The following ZBTB46 variants were observed in gnomAD, a reference collection of about 807,000 sequenced individuals.
ZBTB46 encodes the protein zinc finger and BTB domain-containing protein 46.
In ZBTB46, 8 loss-of-function variants were observed where a neutral mutation model predicts 44.1. That is an observed-to-expected ratio of 0.18 (90% CI 0.11 to 0.33). ZBTB46 has a LOEUF of 0.33. ZBTB46 is among the 10% of genes least tolerant of loss of function. The pLI is 1.00. For missense variants in ZBTB46, 651 were observed against 847.7 expected, an observed-to-expected ratio of 0.77 and a Z score of 2.88; for synonymous variants, 409 against 382.3, an observed-to-expected ratio of 1.07 and a Z score of -0.81.
chr20:63,831,786 C>T (rs1490426018), upstream of ZBTB46, among the ~76,000 whole-genome samples: 2 of 151,388 alleles, frequency 1.3e-5, no homozygotes, highest in East Asian at 2.0e-4. Context: ...CGGCCGTCCC[C>T]GCGCCTGACG....
chr20:63,765,209 G>T (rs1485754205), intron 3 of ZBTB46, among the ~76,000 whole-genome samples: 1 of 151,908 alleles, frequency 6.6e-6, no homozygotes, highest in Non-Finnish European at 1.5e-5. Flanking sequence ...TTGCTTCTTG[G>T]GATTTTGCCC....
chr20:63,769,908 C>T (rs1029957339), intron 3 of ZBTB46, among the ~76,000 whole-genome samples: 4 of 152,232 alleles, frequency 2.6e-5, no homozygotes, highest in African/African-American at 7.2e-5. Context: ...TCCTGACGCC[C>T]GGGCCCAGCC....
In ZBTB46 at chr20:63,752,256, T is replaced by C. The variant is rs1371781738; in HGVS notation, c.1398+430A>G. ...CAAGCAAATCCATCCACTCCACACC[T>C]GCTACCTGACAACGACCTGCCAGTG... On this transcript the variant is annotated intron_variant, in intron 4 of 4. Coordinates refer to ENST00000245663, the MANE Select transcript of ZBTB46 (RefSeq NM_001369741.1). The surrounding 1 kb of genome is among the most constrained non-coding windows in gnomAD (Gnocchi z 5.6). 6.6e-6 allele frequency among the ~76,000 whole-genome samples: 1 copy of C among 151,268 alleles called. No homozygotes were observed. The highest frequency in any genetic ancestry group is 2.4e-5 in the African/African-American group (1 of 41,342).
chr20:63,766,100 G>A (rs1345140386), intron 3 of ZBTB46, among the ~76,000 whole-genome samples: 2 of 151,828 alleles, frequency 1.3e-5, no homozygotes, highest in Admixed American at 6.6e-5. Flanking sequence ...GCCCATGAAC[G>A]CAGAGCCCAG....
chr20:63,808,976 C>CACAA (rs2092700637), intron 1 of ZBTB46, among the ~76,000 whole-genome samples: 1 of 75,232 alleles, frequency 1.3e-5, no homozygotes, highest in African/African-American at 4.5e-5. Context: ...GACTCCGCTT[C>CACAA]AAAAAAAAAA....
At chr20:63,789,508 G>A (rs957290035) in intron 2 of ZBTB46, among the ~76,000 whole-genome samples, 1 of 152,186 alleles carries the variant, frequency 6.6e-6, no homozygotes. Context: ...CCCTCCCGGT[G>A]TCACCCACCC....
chr20:63,797,790 A>G (rs550839145), intron 1 of ZBTB46, among the ~76,000 whole-genome samples: 1 of 152,338 alleles, frequency 6.6e-6, no homozygotes, highest in East Asian at 1.9e-4. Flanking sequence ...TGTTGGCTGC[A>G]TAAATGTCTT....
chr20:63,805,985 G>A (rs1348476895), intron 1 of ZBTB46, among the ~76,000 whole-genome samples: 3 of 151,590 alleles, frequency 2.0e-5, no homozygotes, highest in Non-Finnish European at 4.4e-5. Flanking sequence ...ATGTTGGCCA[G>A]GTTGGTCTCG....
chr20:63,824,595 G>A (rs915428941), intron 1 of ZBTB46, among the ~76,000 whole-genome samples: 3 of 152,000 alleles, frequency 2.0e-5, no homozygotes, highest in South Asian at 2.1e-4. Flanking sequence ...AAAATTTCAC[G>A]TGGCCAAGGA....
At chr20:63,818,842 A>C (rs1379000386) in intron 1 of ZBTB46, among the ~76,000 whole-genome samples, 1 of 144,306 alleles carries the variant, frequency 6.9e-6, no homozygotes, top group Non-Finnish European at 1.5e-5. Flanking sequence ...ACTGCACTCC[A>C]GCCTGGGTGA....
At chr20:63,800,439 C>T (rs1043665425) in intron 1 of ZBTB46, among the ~76,000 whole-genome samples, 2 of 152,236 alleles carry the variant, frequency 1.3e-5, no homozygotes, top group African/African-American at 4.8e-5. Flanking sequence ...GGCGCCTCCT[C>T]GACCTCAGCG....
chr20:63,817,921 G>A (rs1372908951), intron 1 of ZBTB46, among the ~76,000 whole-genome samples: 5 of 152,116 alleles, frequency 3.3e-5, no homozygotes, highest in African/African-American at 7.2e-5. Flanking sequence ...CGTCCACCCC[G>A]ATGCTGGGTG....
rs562032550 is a variant in ZBTB46, at chr20:63,830,580, A to G, written c.-34+517T>C. On this transcript the variant is annotated intron_variant, in intron 1 of 4. Coordinates refer to ENST00000245663, the MANE Select transcript of ZBTB46 (RefSeq NM_001369741.1). ...ACCTCCCGCAGTTCCGACTCTTGGC[A>G]AACTCGGCGCGGGCGGCTCCGGGTG... Among the ~76,000 whole-genome samples the G allele has an allele frequency of 3.6e-3, 536 of 150,200 alleles. 5 individuals are homozygous for G. The highest frequency in any genetic ancestry group is 0.012 in the African/African-American group (506 of 41,288).
intron 1 of ZBTB46, among the ~76,000 whole-genome samples, chr20:63,826,368 T>C (rs925876672): frequency 6.6e-6 from 1 of 152,138 alleles, no homozygotes; most frequent in African/African-American, 2.4e-5. Context: ...TCAGAGATGC[T>C]CAAAGAGAAA....
chr20:63,789,458 C>A (rs1411410433), intron 2 of ZBTB46, among the ~76,000 whole-genome samples: 2 of 152,224 alleles, frequency 1.3e-5, no homozygotes, highest in Non-Finnish European at 2.9e-5. Flanking sequence ...CCAGGGGAAG[C>A]CGACCCTGCA....
At chr20:63,749,319 C>T (rs1287522044) in intron 4 of ZBTB46, among the ~76,000 whole-genome samples, 1 of 145,034 alleles carries the variant, frequency 6.9e-6, no homozygotes, top group Non-Finnish European at 1.5e-5. Context: ...CTCCTTTGGG[C>T]TTTTGTTTTG....
chr20:63,752,668 G>A lies in ZBTB46; in HGVS notation c.1398+18C>T, dbSNP rs778723723. 54 of 1,527,722 alleles carry A rather than the reference G, an allele frequency of 3.5e-5. 1 individual carries two copies. The South Asian group carries it at 6.1e-4, about 17-fold the overall frequency. The allele number at this position is 1,527,722 out of a possible 1,614,324, so 94.6% of individuals were successfully genotyped here. On this transcript the variant is annotated intron_variant, in intron 4 of 4. Coordinates refer to ENST00000245663, the MANE Select transcript of ZBTB46 (RefSeq NM_001369741.1). This position sits in a 1 kb window ranked among gnomAD's most constrained non-coding sequence, Gnocchi z 5.6. ...GGCCACGCGCAGCGCGCGGCACGCG[G>A]ACCCTCCCCGCACTCACCAGCGTGT...
intron 1 of ZBTB46, among the ~76,000 whole-genome samples, chr20:63,796,994 A>C (rs1442505208): frequency 6.6e-6 from 1 of 151,838 alleles, no homozygotes; most frequent in Admixed American, 6.6e-5. Flanking sequence ...AAATGGTGAA[A>C]CCCGGTTTTT....
Position 63,743,990 on chromosome 20 carries a change from T to C in ZBTB46, c.*2940A>G, listed in dbSNP as rs1196830925. On this transcript the variant is annotated 3_prime_UTR_variant, in exon 5 of 5. Transcript: ENST00000245663. ...CTTCAAACACTGCCCTTTTTTTGTG[T>C]GTTTTGTTTTTGTTGACAGGTTGAA... 2 of 152,296 alleles carry C rather than the reference T, an allele frequency of 1.3e-5. No individual in the cohort carries two copies. The highest frequency in any genetic ancestry group is 3.7e-4 in the East Asian group (2 of 5,342). 9.4% of individuals were successfully genotyped at this position (152,296 alleles called of 1,614,324 possible). A position where few individuals can be genotyped will look rare whatever the true frequency, so the allele number is the denominator to read the frequency against.
Sources: allele counts gnomAD v4.1 joint callset (sites outside exome capture counted in the v4.1 genomes callset), GRCh38; gene constraint gnomAD v4.1.1; non-coding constraint Gnocchi (gnomAD v3.1); transcripts MANE v1.5; gene names NCBI Gene and HGNC (gene_info 2026-07-23, HGNC 2026-07-21).